Variants in INPP4B observed in about 807,000 individuals in gnomAD.
INPP4B encodes inositol polyphosphate-4-phosphatase type II B, also known as inositol polyphosphate 4-phosphatase type II.
Under a neutral mutation model 122.5 loss-of-function variants are expected in INPP4B, and 55 were observed. The ratio of observed to expected loss-of-function variants is 0.45; its 90% CI spans 0.36 to 0.56. The LOEUF is 0.56. Ranked by LOEUF, INPP4B falls within the 20% of genes least tolerant of loss-of-function variation. The probability of loss-of-function intolerance (pLI) is 0.00; values close to 1 mark genes in which losing one functional copy is unlikely to be tolerated. For missense variants in INPP4B, 1,000 were observed against 1,097.7 expected, an observed-to-expected ratio of 0.91 and a Z score of 1.26; for synonymous variants, 403 against 388.7, an observed-to-expected ratio of 1.04 and a Z score of -0.43.
intron 2 of INPP4B, among the ~76,000 whole-genome samples, chr4:142,556,143 CT>C (rs1729119047): frequency 6.6e-6 from 1 of 152,140 alleles, no homozygotes; most frequent in South Asian, 2.1e-4. Flanking sequence ...GAACCCAGAT[CT>C]TTAGCCAGGT....
At chr4:142,419,559 A>G (rs1806433374) in intron 5 of INPP4B, among the ~76,000 whole-genome samples, 1 of 152,174 alleles carries the variant, frequency 6.6e-6, no homozygotes, top group Non-Finnish European at 1.5e-5. Flanking sequence ...TCTACCAGAA[A>G]TGCCACTGCA....
intron 23 of INPP4B, among the ~76,000 whole-genome samples, chr4:142,102,460 C>CTT (rs35404733): frequency 6.0e-5 from 6 of 99,674 alleles, no homozygotes; most frequent in African/African-American, 1.4e-4. Context: ...TGAACAAAGT[C>CTT]TTTTTTTTTT....
rs1285143068 is a variant in INPP4B at position 142,776,360 on chromosome 4, G to A, written c.-253-50459C>T. Among the ~76,000 whole-genome samples, 3 of 152,196 alleles carry A rather than the reference G, an allele frequency of 2.0e-5. No individual in the cohort carries two copies. In the East Asian group the frequency reaches 5.8e-4, roughly 29 times the overall value. ...ATGAAGGTTTTTCTTCAGCAGGTAT[G>A]AAAGGGGCCAGAGATTTTGCACTTT... On this transcript the variant is annotated intron_variant, in intron 1 of 25. Transcript: ENST00000262992.
chr4:142,761,207 C>T (rs1771296027), intron 1 of INPP4B, among the ~76,000 whole-genome samples: 1 of 150,582 alleles, frequency 6.6e-6, no homozygotes, highest in Non-Finnish European at 1.5e-5. Flanking sequence ...AAAATATCCA[C>T]ACCTTATTGA....
At chr4:142,447,019 G>A (rs1228936324) in intron 3 of INPP4B, among the ~76,000 whole-genome samples, 1 of 152,162 alleles carries the variant, frequency 6.6e-6, no homozygotes, top group Non-Finnish European at 1.5e-5. Flanking sequence ...AGGAAAAAAA[G>A]TTTTTCTTTA....
At position 142,427,487 on chromosome 4, in the gene INPP4B, T is replaced by C. The variant is rs767973982; in HGVS notation, c.136+1686A>G. On this transcript the variant is annotated intron_variant, in intron 5 of 25. Transcript: ENST00000262992. ...AATTCTTGATTCAAATCTGGAAATATAAGTGATGATGGTGTTGTTACTGAA... is the reference window on the plus strand; with the variant it reads ...AATTCTTGATTCAAATCTGGAAATACAAGTGATGATGGTGTTGTTACTGAA... The C allele has an allele frequency of 4.4e-6, 3 of 676,344 alleles. No individual in the cohort carries two copies. The African/African-American group carries it at 5.4e-5, about 12-fold the overall frequency. 41.9% of individuals were successfully genotyped at this position (676,344 alleles called of 1,614,324 possible).
intron 12 of INPP4B, among the ~76,000 whole-genome samples, chr4:142,213,546 A>T (rs1209694897): frequency 6.6e-6 from 1 of 152,150 alleles, no homozygotes; most frequent in Non-Finnish European, 1.5e-5. Flanking sequence ...GACAATGTCC[A>T]CCTGGTAGTA....
At chr4:142,390,952 C>T (rs1042604832) in intron 7 of INPP4B, among the ~76,000 whole-genome samples, 10 of 152,154 alleles carry the variant, frequency 6.6e-5, no homozygotes, top group Non-Finnish European at 1.5e-5. Context: ...CTCTTCAATA[C>T]AGGTTTCTAG....
chr4:142,744,226 A>T (rs1235884593), intron 1 of INPP4B, among the ~76,000 whole-genome samples: 1 of 151,978 alleles, frequency 6.6e-6, no homozygotes, highest in African/African-American at 2.4e-5. Flanking sequence ...ATAGTAGAAG[A>T]GTCAGTGAGG....
chr4:142,793,894 C>T (rs765034108), intron 1 of INPP4B, among the ~76,000 whole-genome samples: 1 of 151,566 alleles, frequency 6.6e-6, no homozygotes, highest in Non-Finnish European at 1.5e-5. Context: ...TAAAGCTTTA[C>T]AAAATATTAA....
At chr4:142,614,222 A>G (rs951074202) in intron 2 of INPP4B, among the ~76,000 whole-genome samples, 4 of 152,108 alleles carry the variant, frequency 2.6e-5, no homozygotes, top group African/African-American at 7.2e-5. Context: ...ACTCTGTCTC[A>G]AAACAAACAA....
chr4:142,064,624 C>T (rs28586943), intron 25 of INPP4B, among the ~76,000 whole-genome samples: 3,888 of 152,012 alleles, frequency 0.026, 185 homozygotes, highest in African/African-American at 0.089. Flanking sequence ...GGCATTTTTC[C>T]CTTTTTTTCT....
chr4:142,117,889 A>G (rs930499443), intron 21 of INPP4B, among the ~76,000 whole-genome samples: 1 of 152,198 alleles, frequency 6.6e-6, no homozygotes, highest in African/African-American at 2.4e-5. Flanking sequence ...TATATCTAGA[A>G]AACCCCATCG....
intron 18 of INPP4B, among the ~76,000 whole-genome samples, chr4:142,134,287 T>C (rs1402260871): frequency 1.2e-4 from 19 of 152,180 alleles, no homozygotes; most frequent in Admixed American, 1.1e-3. Flanking sequence ...AGAATGTAAA[T>C]GGCTTGACAA....
chr4:142,233,383 T>A (rs577635331), intron 12 of INPP4B, among the ~76,000 whole-genome samples: 1 of 152,346 alleles, frequency 6.6e-6, no homozygotes, highest in East Asian at 1.9e-4. Context: ...TTTTGTGTCT[T>A]TAGCAATGTA....
At chr4:142,308,047 T>C (rs750329635) in intron 8 of INPP4B, among the ~76,000 whole-genome samples, 1 of 152,172 alleles carries the variant, frequency 6.6e-6, no homozygotes, top group Admixed American at 6.5e-5. Context: ...AGTCATTGAA[T>C]GTTTCTCCTG....
chr4:142,076,745 A>G (rs1454329022), intron 25 of INPP4B, among the ~76,000 whole-genome samples: 4 of 152,100 alleles, frequency 2.6e-5, no homozygotes, highest in African/African-American at 9.7e-5. Context: ...GTATGATAAT[A>G]ATAAAATTTA....
chr4:142,192,507 A>G (rs1347925692), intron 15 of INPP4B, among the ~76,000 whole-genome samples: 1 of 152,222 alleles, frequency 6.6e-6, no homozygotes, highest in Non-Finnish European at 1.5e-5. Context: ...ATAATAAACT[A>G]CTGCTGCAAA....
chr4:142,567,596 G>T (rs1731913060), intron 2 of INPP4B, among the ~76,000 whole-genome samples: 1 of 152,112 alleles, frequency 6.6e-6, no homozygotes. Context: ...AATATATGCT[G>T]AAATAAGTAA....
Sources: allele counts gnomAD v4.1 joint callset (sites outside exome capture counted in the v4.1 genomes callset), GRCh38; gene constraint gnomAD v4.1.1; transcripts MANE v1.5; gene names NCBI Gene and HGNC (gene_info 2026-07-23, HGNC 2026-07-21).